Variants in SOCS7 observed in about 807,000 individuals in gnomAD.
SOCS7 encodes the protein suppressor of cytokine signaling 7.
A neutral mutation model predicts 58.9 loss-of-function variants in SOCS7; 18 were observed. That is an observed-to-expected ratio of 0.31 (90% CI 0.21 to 0.45). The LOEUF is 0.45. Ranked by LOEUF, SOCS7 falls within the 20% of genes least tolerant of loss-of-function variation. The probability of loss-of-function intolerance (pLI) is 1.00; values close to 1 mark genes in which losing one functional copy is unlikely to be tolerated. For missense variants in SOCS7, 667 were observed against 837.3 expected, an observed-to-expected ratio of 0.80 and a Z score of 2.51; for synonymous variants, 388 against 364.3, an observed-to-expected ratio of 1.06 and a Z score of -0.74.
rs939444198 is a variant in SOCS7, at chr17:38,351,914, C to G, written c.-139C>G. On this transcript the variant is annotated 5_prime_UTR_variant, in exon 1 of 10. Transcript: ENST00000612932. Reference sequence around the variant, plus strand: ...GCGCTGGGCTCCGCGCGCCCCCCGCCCCCCTCTATGAGGCAGAGGCCGCGG... The same window carrying G: ...GCGCTGGGCTCCGCGCGCCCCCCGCGCCCCTCTATGAGGCAGAGGCCGCGG... Among the ~76,000 whole-genome samples, 7 of 151,046 alleles carry G rather than the reference C, an allele frequency of 4.6e-5. No homozygotes were observed. The highest frequency in any genetic ancestry group is 1.7e-4 in the African/African-American group (7 of 41,102).
chr17:38,386,059 TCAGG>T (rs1301743122), intron 7 of SOCS7, among the ~76,000 whole-genome samples: 1 of 151,968 alleles, frequency 6.6e-6, no homozygotes, highest in African/African-American at 2.4e-5. Context: ...GCGCGGTGGC[TCAGG>T]CCTGTAATCC....
chr17:38,392,551 A>G (rs372905430), intron 7 of SOCS7, among the ~76,000 whole-genome samples: 2 of 152,208 alleles, frequency 1.3e-5, no homozygotes, highest in South Asian at 2.1e-4. Context: ...ATTTCTTAAA[A>G]CCACTTGAGT....
intron 7 of SOCS7, among the ~76,000 whole-genome samples, chr17:38,378,463 G>C (rs1459331050): frequency 2.6e-5 from 4 of 151,966 alleles, no homozygotes; most frequent in Non-Finnish European, 4.4e-5. Context: ...TCAGTGAGCT[G>C]TGATCATGCC....
At position 38,380,358 on chromosome 17, in the gene SOCS7, C is replaced by T. The variant is rs887053247; in HGVS notation, c.1681+2516C>T. On this transcript the variant is annotated intron_variant, in intron 7 of 9. Coordinates refer to ENST00000612932, the MANE Select transcript of SOCS7 (RefSeq NM_014598.4). ...TCTATTAAAATAATATGGCTGGGCT[C>T]GGTGGCTCACGCCTGTAATCCCATC... Among the ~76,000 whole-genome samples, 11 of 151,980 alleles carry T rather than the reference C, an allele frequency of 7.2e-5. No individual in the cohort carries two copies. In the South Asian group the frequency reaches 1.5e-3, roughly 20 times the overall value.
At chr17:38,353,127 AG>A in intron 1 of SOCS7, 95 bp downstream of exon 1, 1 of 1,188,124 alleles carries the variant, frequency 8.4e-7, no homozygotes. Flanking sequence ...TTCTTAAGAT[AG>A]GGTCTTCAGG....
chr17:38,360,925 C>T (rs2037710623), intron 1 of SOCS7, among the ~76,000 whole-genome samples: 1 of 152,196 alleles, frequency 6.6e-6, no homozygotes, highest in African/African-American at 2.4e-5. Flanking sequence ...GCCGTAATGT[C>T]TTTGTTGGAG....
rs770296566 is a variant in SOCS7 at position 38,371,754 on chromosome 17, G to GTTTT, written c.1552+3725_1552+3728dup. Among the ~76,000 whole-genome samples, 386 of 72,176 alleles carry GTTTT rather than the reference G, an allele frequency of 5.3e-3. 12 individuals carry two copies. Among genetic ancestry groups the GTTTT allele is most frequent in the African/African-American group, 0.018 (322 of 18,210 alleles). 47.4% of individuals were successfully genotyped at this position (72,176 alleles called of 152,430 possible). ...GAGCCACTGTGCCTGGCCCTTTTGT[G>GTTTT]TTTTTTTTTTTTTTTTTTTTTTTTG... On this transcript the variant is annotated intron_variant, in intron 6 of 9. Transcript: ENST00000612932.
At chr17:38,369,795 G>GTT (rs929109311) in intron 6 of SOCS7, among the ~76,000 whole-genome samples, 3 of 127,990 alleles carry the variant, frequency 2.3e-5, no homozygotes, top group Non-Finnish European at 3.3e-5. Context: ...TTTTTTGTTT[G>GTT]TTTTTTTTTT....
At chr17:38,361,869 T>C in intron 2 of SOCS7, 94 bp downstream of exon 2, 2 of 855,604 alleles carry the variant, frequency 2.3e-6, no homozygotes, top group Non-Finnish European at 3.7e-6. Context: ...CAGGGAGCTG[T>C]AGGCGTGTCT....
chr17:38,396,388 T>C (rs1263842194), intron 9 of SOCS7, among the ~76,000 whole-genome samples: 1 of 152,064 alleles, frequency 6.6e-6, no homozygotes, highest in Non-Finnish European at 1.5e-5. Context: ...AAATGGCATA[T>C]AAAGCAGGAA....
chr17:38,357,751 T>C (rs934547187), intron 1 of SOCS7, among the ~76,000 whole-genome samples: 1 of 152,234 alleles, frequency 6.6e-6, no homozygotes, highest in Admixed American at 6.5e-5. Context: ...CCATAAAATC[T>C]GGTATTTGGA....
At chr17:38,356,692 GAA>G (rs969072909) in intron 1 of SOCS7, among the ~76,000 whole-genome samples, 2 of 152,028 alleles carry the variant, frequency 1.3e-5, no homozygotes, top group African/African-American at 4.8e-5. Flanking sequence ...AAGAAAGAAA[GAA>G]AGAAAGAAAG....
At chr17:38,354,534 T>TA (rs1221055132) in intron 1 of SOCS7, among the ~76,000 whole-genome samples, 3 of 152,224 alleles carry the variant, frequency 2.0e-5, no homozygotes, top group Non-Finnish European at 4.4e-5. Flanking sequence ...CCAAACTTTC[T>TA]AAAGAAATCA....
intron 9 of SOCS7, 24 bp downstream of exon 9, chr17:38,396,022 C>T (rs1597715269): frequency 1.9e-6 from 3 of 1,540,178 alleles, no homozygotes; most frequent in Admixed American, 2.3e-5. Context: ...GCCTCACTGC[C>T]CAGCCACATT....
chr17:38,394,879 G>A (rs879447157), intron 7 of SOCS7, among the ~76,000 whole-genome samples: 2 of 152,016 alleles, frequency 1.3e-5, no homozygotes, highest in African/African-American at 2.4e-5. Flanking sequence ...GGGAAACCCC[G>A]TCTCTACTAA....
At position 38,352,198 on chromosome 17, in the gene SOCS7, C is replaced by A; in HGVS notation, c.146C>A (p.Pro49His). Residue 49 changes from proline (P) to histidine (H), a missense_variant, in exon 1 of 10, where the codon CCC becomes CAC. Coordinates refer to ENST00000612932, the MANE Select transcript of SOCS7 (RefSeq NM_014598.4). The surrounding 1 kb of genome is among the most constrained non-coding windows in gnomAD (Gnocchi z 5.5). ...PPPGHGPPPP[P>H]FLARPGPRGS... The stretch of plus-strand genomic sequence containing the variant: ...CCGGGCCATGGCCCCCCGCCGCCAC[C>A]CTTCCTCGCGCGGCCCGGCCCGCGG... 7.6e-7 allele frequency: 1 copy of A among 1,321,674 alleles called. No individual in the cohort carries two copies. The highest frequency in any genetic ancestry group is 2.2e-5 in the South Asian group (1 of 46,356). 81.9% of individuals were successfully genotyped at this position (1,321,674 alleles called of 1,614,324 possible).
At chr17:38,387,131 A>ATATATATATG (rs1163854242) in intron 7 of SOCS7, among the ~76,000 whole-genome samples, 8 of 87,862 alleles carry the variant, frequency 9.1e-5, no homozygotes, top group African/African-American at 5.1e-4. Flanking sequence ...ATATATATGT[A>ATATATATATG]TGTATATATA....
intron 7 of SOCS7, among the ~76,000 whole-genome samples, chr17:38,383,660 C>A (rs41504545): frequency 3.3e-5 from 5 of 152,168 alleles, no homozygotes; most frequent in Non-Finnish European, 7.4e-5. Context: ...TGGGTTCAAG[C>A]AATTCTCCTG....
intron 7 of SOCS7, among the ~76,000 whole-genome samples, chr17:38,386,060 C>G (rs765292085): frequency 1.3e-5 from 2 of 152,098 alleles, no homozygotes; most frequent in South Asian, 4.1e-4. Flanking sequence ...CGCGGTGGCT[C>G]AGGCCTGTAA....
Sources: gnomAD v4.1 joint callset for allele counts (sites outside exome capture counted in the v4.1 genomes callset) on GRCh38, gnomAD v4.1.1 for gene constraint, Gnocchi (gnomAD v3.1) non-coding constraint, MANE v1.5 for transcripts, NCBI Gene and HGNC (gene_info 2026-07-23, HGNC 2026-07-21) for gene names.